WDPCP: variants seen among roughly 807,000 people sequenced by gnomAD.
The protein encoded by WDPCP is WD repeat-containing and planar cell polarity effector protein fritz homolog.
A neutral mutation model predicts 93.1 loss-of-function variants in WDPCP; 71 were observed. The observed-to-expected ratio is 0.76, with a 90% confidence interval of 0.63 to 0.93. The LOEUF is 0.93. Among genes scored for constraint, WDPCP ranks in the 40% least tolerant of loss-of-function variants. The probability of loss-of-function intolerance (pLI) is 0.00; values close to 1 mark genes in which losing one functional copy is unlikely to be tolerated. For synonymous variants in WDPCP, 315 were observed against 315.0 expected (o/e 1.00, Z 0.00); for missense variants, 844 against 887.4 (o/e 0.95, Z 0.62).
intron 3 of WDPCP, among the ~76,000 whole-genome samples, chr2:63,644,436 G>T (rs1299219335): frequency 6.6e-6 from 1 of 151,922 alleles, no homozygotes; most frequent in African/African-American, 2.4e-5. Flanking sequence ...TAGAGACAGG[G>T]TTTCACCATG....
intron 1 of WDPCP, among the ~76,000 whole-genome samples, chr2:63,496,380 G>A (rs186280479): frequency 4.6e-5 from 7 of 152,230 alleles, no homozygotes; most frequent in African/African-American, 1.2e-4. Flanking sequence ...ATTTCTACGA[G>A]GCAGAAAAAC....
At chr2:63,228,141 C>T (rs571073414) in intron 14 of WDPCP, among the ~76,000 whole-genome samples, 3 of 152,138 alleles carry the variant, frequency 2.0e-5, no homozygotes, top group African/African-American at 7.2e-5. Flanking sequence ...TTCTGAAAAT[C>T]TCCAAGTTGC....
intron 3 of WDPCP, among the ~76,000 whole-genome samples, chr2:63,608,363 A>AAT (rs1476129829): frequency 1.3e-5 from 2 of 152,090 alleles, no homozygotes; most frequent in African/African-American, 4.8e-5. Flanking sequence ...TTACTAGAAA[A>AAT]ATAGTGGAGT....
At chr2:63,732,402 A>G (rs574407313) in intron 2 of WDPCP, among the ~76,000 whole-genome samples, 307 of 152,294 alleles carry the variant, frequency 2.0e-3, no homozygotes, top group Non-Finnish European at 3.2e-3. Context: ...TGCTACAAAA[A>G]AAGGTGATTT....
chr2:63,288,284 T>G (rs934848873), intron 13 of WDPCP, among the ~76,000 whole-genome samples: 2 of 152,232 alleles, frequency 1.3e-5, no homozygotes, highest in African/African-American at 4.8e-5. Flanking sequence ...AGATGCAATC[T>G]TGGGTGGCTT....
chr2:63,383,856 A>C (rs562023928), intron 10 of WDPCP, among the ~76,000 whole-genome samples: 1 of 152,324 alleles, frequency 6.6e-6, no homozygotes, highest in East Asian at 1.9e-4. Flanking sequence ...CATTTATAAA[A>C]CACTGCACCC....
intron 2 of WDPCP, among the ~76,000 whole-genome samples, chr2:63,708,223 A>G: frequency 6.6e-6 from 1 of 152,172 alleles, no homozygotes. Flanking sequence ...CTGCCCCCAG[A>G]GGTGGAGCCT....
chr2:63,633,924 T>C, intron 3 of WDPCP, among the ~76,000 whole-genome samples: 1 of 152,050 alleles, frequency 6.6e-6, no homozygotes, highest in East Asian at 1.9e-4. Flanking sequence ...TAGCCAGATA[T>C]GGTGGTGCAT....
At chr2:63,303,980 A>AAC (rs1320454568) in intron 13 of WDPCP, among the ~76,000 whole-genome samples, 18 of 151,530 alleles carry the variant, frequency 1.2e-4, no homozygotes, top group Admixed American at 7.9e-4. Context: ...CAAAAAAAAA[A>AAC]AAAAAACAGA....
chr2:63,834,318 C>A, the WDPCP span, among the ~76,000 whole-genome samples: 1 of 152,234 alleles, frequency 6.6e-6, no homozygotes. Context: ...AAAGCTAGAA[C>A]TTCAGTAAGT....
At chr2:63,718,274 G>A (rs1446131450) in intron 2 of WDPCP, among the ~76,000 whole-genome samples, 2 of 152,126 alleles carry the variant, frequency 1.3e-5, no homozygotes, top group Non-Finnish European at 2.9e-5. Context: ...TAGATAGCCA[G>A]TAGTGAGATT....
At chr2:63,828,651 G>A (rs941452526), upstream of WDPCP, among the ~76,000 whole-genome samples, 2 of 152,038 alleles carry the variant, frequency 1.3e-5, no homozygotes, top group African/African-American at 2.4e-5. Context: ...ACTGTCAGAT[G>A]GAACACTACT....
chr2:63,757,387 T>C (rs1669986217), intron 2 of WDPCP, among the ~76,000 whole-genome samples: 2 of 152,202 alleles, frequency 1.3e-5, no homozygotes, highest in South Asian at 4.1e-4. Flanking sequence ...TCAGCCCTTA[T>C]GTATCAGGTG....
intron 1 of WDPCP, among the ~76,000 whole-genome samples, chr2:63,535,331 T>A (rs1398690404): frequency 6.6e-6 from 1 of 152,204 alleles, no homozygotes; most frequent in East Asian, 1.9e-4. Flanking sequence ...AAGCTACCAA[T>A]GACTTTCTTC....
intron 13 of WDPCP, among the ~76,000 whole-genome samples, chr2:63,308,859 C>G (rs1685954976): frequency 6.6e-6 from 1 of 151,966 alleles, no homozygotes; most frequent in Non-Finnish European, 1.5e-5. Flanking sequence ...CCTGCATGTT[C>G]CGCACATGTG....
chr2:63,656,877 T>C (rs1378057660), intron 2 of WDPCP, among the ~76,000 whole-genome samples: 3 of 151,998 alleles, frequency 2.0e-5, no homozygotes, highest in Admixed American at 6.6e-5. Context: ...AAGACAAGAG[T>C]AGTCAGGAGA....
At chr2:63,353,763 G>T (rs927464044) in intron 12 of WDPCP, among the ~76,000 whole-genome samples, 12 of 152,178 alleles carry the variant, frequency 7.9e-5, no homozygotes, top group African/African-American at 2.7e-4. Context: ...AGAGGGAAAG[G>T]CAGGCTGCCA....
intron 1 of WDPCP, among the ~76,000 whole-genome samples, chr2:63,530,777 G>A (rs537691271): frequency 1.9e-4 from 29 of 152,318 alleles, no homozygotes; most frequent in East Asian, 9.7e-4. Flanking sequence ...CAGCATGAGC[G>A]ACACAGAAGA....
intron 12 of WDPCP, among the ~76,000 whole-genome samples, chr2:63,314,003 T>C (rs1231353943): frequency 4.0e-5 from 6 of 149,080 alleles, no homozygotes; most frequent in African/African-American, 1.5e-4. Context: ...TGCCTCAGCC[T>C]CCCGATAGCT....
Sources: gnomAD v4.1 joint callset for allele counts (sites outside exome capture counted in the v4.1 genomes callset) on GRCh38, gnomAD v4.1.1 for gene constraint, MANE v1.5 for transcripts, NCBI Gene and HGNC (gene_info 2026-07-23, HGNC 2026-07-21) for gene names.